Variants in SDK1 observed in about 807,000 individuals in gnomAD.
SDK1 encodes the protein protein sidekick-1.
A neutral mutation model predicts 245.5 loss-of-function variants in SDK1; 157 were observed. The ratio of observed to expected loss-of-function variants is 0.64; its 90% CI spans 0.56 to 0.73. The LOEUF (loss-of-function observed/expected upper bound fraction) is 0.73, where lower values mean the gene tolerates loss of function less well. Among genes scored for constraint, SDK1 ranks in the 30% least tolerant of loss-of-function variants. SDK1 has a pLI of 0.00. For missense variants in SDK1, 3,583 were observed against 3,002.3 expected (o/e 1.19, Z -4.52); for synonymous variants, 1,647 against 1,278.5 (o/e 1.29, Z -6.15).
intron 5 of SDK1, among the ~76,000 whole-genome samples, chr7:3,879,225 C>T (rs150224678): frequency 2.5e-3 from 382 of 152,200 alleles, no homozygotes; most frequent in Non-Finnish European, 3.8e-3. Flanking sequence ...CAAAACATGG[C>T]GGCTGCAAGA....
intron 7 of SDK1, among the ~76,000 whole-genome samples, chr7:3,956,281 T>G (rs1781251160): frequency 6.6e-6 from 1 of 152,160 alleles, no homozygotes; most frequent in Non-Finnish European, 1.5e-5. Context: ...TTCCCCAGTG[T>G]TTAACTCACG....
intron 1 of SDK1, among the ~76,000 whole-genome samples, chr7:3,412,424 G>T (rs909968849): frequency 3.3e-5 from 5 of 152,122 alleles, no homozygotes; most frequent in African/African-American, 1.2e-4. Flanking sequence ...AGCAGTTTGT[G>T]ACTATGTAAT....
intron 4 of SDK1, among the ~76,000 whole-genome samples, chr7:3,672,779 A>ATG (rs1562646719): frequency 8.0e-5 from 8 of 100,422 alleles, no homozygotes; most frequent in South Asian, 3.2e-4. Flanking sequence ...ATATATATAT[A>ATG]TATATATATA....
intron 21 of SDK1, among the ~76,000 whole-genome samples, chr7:4,079,119 C>T (rs762415360): frequency 3.9e-5 from 6 of 152,206 alleles, no homozygotes; most frequent in South Asian, 2.1e-4. Context: ...GGAAGAATTA[C>T]ATTCATTCAT....
intron 44 of SDK1, among the ~76,000 whole-genome samples, chr7:4,250,919 C>T (rs558280234): frequency 3.3e-5 from 5 of 152,268 alleles, no homozygotes; most frequent in African/African-American, 4.8e-5. Context: ...AAAAGAAACC[C>T]CATAACTCTA....
intron 5 of SDK1, 104 bp downstream of exon 5, chr7:3,821,687 A>G (rs1467043677): frequency 1.6e-6 from 2 of 1,252,756 alleles, no homozygotes; most frequent in East Asian, 4.8e-5. Flanking sequence ...TTCTCTCTCT[A>G]GTGTAGTAGT....
intron 7 of SDK1, among the ~76,000 whole-genome samples, chr7:3,957,156 T>C (rs1215441025): frequency 6.6e-6 from 1 of 151,828 alleles, no homozygotes; most frequent in East Asian, 1.9e-4. Flanking sequence ...AACGGATTAG[T>C]GGTTGTGAGG....
intron 1 of SDK1, among the ~76,000 whole-genome samples, chr7:3,487,774 AAAG>A (rs1167756495): frequency 2.0e-5 from 3 of 151,396 alleles, no homozygotes; most frequent in East Asian, 1.9e-4. Context: ...AAAAAAAAAA[AAAG>A]AAAAGGAATT....
chr7:3,980,137 A>T (rs1195097100), intron 13 of SDK1, among the ~76,000 whole-genome samples: 1 of 152,198 alleles, frequency 6.6e-6, no homozygotes, highest in Admixed American at 6.5e-5. Context: ...TAAAGGGCCA[A>T]TGCTTTTTAT....
At chr7:4,142,638 T>C (rs899932078) in intron 28 of SDK1, among the ~76,000 whole-genome samples, 2 of 152,196 alleles carry the variant, frequency 1.3e-5, no homozygotes, top group African/African-American at 4.8e-5. Flanking sequence ...AAGTTTTGTA[T>C]TTTTAGCAGA....
Position 3,922,025 on chromosome 7 carries a change from G to A in SDK1, c.848-28898G>A, listed in dbSNP as rs536057809. 1.4e-4 allele frequency among the ~76,000 whole-genome samples: 21 copies of A among 152,230 alleles called. No individual in the cohort carries two copies. The East Asian group carries it at 3.5e-3, about 25-fold the overall frequency. ...TTCCAGCCCCTGTTACTCAGGAGCC[G>A]CAGGGCCTCTCACCCATGCTCCTCT... On this transcript the variant is annotated intron_variant, in intron 5 of 44. Coordinates refer to ENST00000404826, the MANE Select transcript of SDK1 (RefSeq NM_152744.4).
At position 3,601,922 on chromosome 7, in the gene SDK1, G is replaced by A. The variant is rs537233113; in HGVS notation, c.299-17158G>A. Among the ~76,000 whole-genome samples the A allele has an allele frequency of 2.5e-3, 373 of 149,414 alleles. 2 individuals carry two copies. Among genetic ancestry groups the A allele is most frequent in the African/African-American group, 8.9e-3 (360 of 40,278 alleles). On this transcript the variant is annotated intron_variant, in intron 1 of 44. Transcript: ENST00000404826. ...AATTCCCACCTATGAATGAGAACAT[G>A]GGGTGTTTGGTTTTTTGTCCTTGTG...
chr7:3,928,239 G>T (rs1349363960), intron 5 of SDK1, among the ~76,000 whole-genome samples: 1 of 152,172 alleles, frequency 6.6e-6, no homozygotes, highest in Non-Finnish European at 1.5e-5. Context: ...GTTGATTAAA[G>T]TACAAGTGGA....
intron 1 of SDK1, among the ~76,000 whole-genome samples, chr7:3,551,399 T>C (rs1321407908): frequency 6.6e-6 from 1 of 152,210 alleles, no homozygotes; most frequent in Non-Finnish European, 1.5e-5. Context: ...CATATCCAAC[T>C]GGGGAATCAG....
intron 4 of SDK1, among the ~76,000 whole-genome samples, chr7:3,723,816 G>A (rs938630844): frequency 2.1e-5 from 3 of 145,106 alleles, no homozygotes; most frequent in African/African-American, 5.2e-5. Context: ...GTATATACAC[G>A]TACATATACA....
intron 40 of SDK1, chr7:4,232,958 A>G (rs1785890537): frequency 1.1e-5 from 3 of 263,304 alleles, no homozygotes; most frequent in African/African-American, 4.3e-5. Flanking sequence ...TCATACATAC[A>G]TATATTTACT....
At chr7:3,564,745 TGAGA>T (rs1199720239) in intron 1 of SDK1, among the ~76,000 whole-genome samples, 1 of 152,100 alleles carries the variant, frequency 6.6e-6, no homozygotes, top group Non-Finnish European at 1.5e-5. Context: ...AGAAAGCACC[TGAGA>T]GAATTTTATG....
chr7:3,941,320 T>C (rs1187137118), intron 5 of SDK1, among the ~76,000 whole-genome samples: 1 of 152,004 alleles, frequency 6.6e-6, no homozygotes, highest in African/African-American at 2.4e-5. Flanking sequence ...TCCCACCCGC[T>C]CTAGACAGTG....
intron 4 of SDK1, among the ~76,000 whole-genome samples, chr7:3,648,120 T>C (rs1168116461): frequency 1.3e-5 from 2 of 152,240 alleles, no homozygotes; most frequent in Admixed American, 1.3e-4. Context: ...ATAAATACAG[T>C]CTAATTTGAT....
Sources: allele counts gnomAD v4.1 joint callset (sites outside exome capture counted in the v4.1 genomes callset), GRCh38; gene constraint gnomAD v4.1.1; transcripts MANE v1.5; gene names NCBI Gene and HGNC (gene_info 2026-07-23, HGNC 2026-07-21).